LYRM4: variants seen among roughly 807,000 people sequenced by gnomAD.
LYRM4 encodes LYR motif-containing protein 4.
Under a neutral mutation model 11.7 loss-of-function variants are expected in LYRM4, and 9 were observed. That is an observed-to-expected ratio of 0.77 (90% confidence interval 0.46 to 1.34). The LOEUF (loss-of-function observed/expected upper bound fraction) is 1.34, where lower values mean the gene tolerates loss of function less well. Ranked by LOEUF, LYRM4 falls within the 40% of genes most tolerant of loss-of-function variation. The pLI, the probability that LYRM4 is intolerant of heterozygous loss-of-function variation, is 0.00. For missense variants in LYRM4, 133 were observed against 112.5 expected (o/e 1.18, Z -0.82); for synonymous variants, 42 against 40.4 (o/e 1.04, Z -0.15).
At chr6:5,143,458 T>C (rs142412794) in intron 2 of LYRM4, among the ~76,000 whole-genome samples, 16 of 152,218 alleles carry the variant, frequency 1.1e-4, no homozygotes, top group African/African-American at 3.9e-4. Flanking sequence ...CATCGGGAGG[T>C]TGACAGACAC....
At chr6:5,228,284 C>CTT (rs879832304) in intron 1 of LYRM4, among the ~76,000 whole-genome samples, 1 of 149,348 alleles carries the variant, frequency 6.7e-6, no homozygotes. Context: ...GAAAGTCTTT[C>CTT]TTTTTTTTTT....
chr6:5,057,453 A>G, the LYRM4 span, among the ~76,000 whole-genome samples: 1 of 151,994 alleles, frequency 6.6e-6, no homozygotes, highest in Non-Finnish European at 1.5e-5. Context: ...GTGGTGGCCC[A>G]CGCCTGTAAT....
chr6:5,177,202 C>G (rs1023688147), intron 2 of LYRM4, among the ~76,000 whole-genome samples: 11 of 152,242 alleles, frequency 7.2e-5, no homozygotes, highest in Non-Finnish European at 1.2e-4. Context: ...GTGACCACTG[C>G]TGAAATCACA....
chr6:5,102,099 T>C (rs1214560525), downstream of LYRM4, among the ~76,000 whole-genome samples: 2 of 151,638 alleles, frequency 1.3e-5, no homozygotes, highest in Non-Finnish European at 2.9e-5. Context: ...GGCCTGATTT[T>C]TTTTTTAAAG....
the LYRM4 span, among the ~76,000 whole-genome samples, chr6:5,073,482 A>G: frequency 2.0e-5 from 3 of 148,336 alleles, no homozygotes; most frequent in African/African-American, 7.4e-5. Context: ...CCTATTTTAT[A>G]TATCTATATA....
intron 1 of LYRM4, among the ~76,000 whole-genome samples, chr6:5,242,587 G>C (rs1372139857): frequency 6.6e-6 from 1 of 150,946 alleles, no homozygotes; most frequent in African/African-American, 2.4e-5. Flanking sequence ...AGGTGTGGTG[G>C]CGTGCGCCTG....
chr6:5,132,732 A>G (rs1764012432), intron 2 of LYRM4: 2 of 152,218 alleles, frequency 1.3e-5, no homozygotes, highest in African/African-American at 4.8e-5. Context: ...GTGAAGCACC[A>G]TGGGGAGCCG....
At chr6:5,085,603 G>C in the LYRM4 span, 8 of 1,547,018 alleles carry the variant, frequency 5.2e-6, no homozygotes, top group Non-Finnish European at 7.0e-6. Flanking sequence ...GGGTGGCGGC[G>C]ACGGCGGTGG....
chr6:5,054,719 T>G, the LYRM4 span, among the ~76,000 whole-genome samples: 1 of 152,146 alleles, frequency 6.6e-6, no homozygotes, highest in African/African-American at 2.4e-5. Context: ...GTCTTCCCTT[T>G]GGAGTTTAGA....
intron 1 of LYRM4, among the ~76,000 whole-genome samples, chr6:5,218,087 T>C (rs1382218019): frequency 3.3e-5 from 5 of 151,994 alleles, no homozygotes; most frequent in East Asian, 3.8e-4. Context: ...AAAAAAAATT[T>C]TGGGGGATGG....
At chr6:5,219,096 A>G (rs1422331337) in intron 1 of LYRM4, among the ~76,000 whole-genome samples, 1 of 152,236 alleles carries the variant, frequency 6.6e-6, no homozygotes, top group African/African-American at 2.4e-5. Context: ...CTTCTTGGAA[A>G]AACAAAATGG....
At chr6:5,260,598 T>TGCCCCGGCCCCGGGGCCC in intron 1 of LYRM4, 50 bp downstream of exon 1, 1 of 1,105,568 alleles carries the variant, frequency 9.0e-7, no homozygotes, top group Non-Finnish European at 1.3e-6. Flanking sequence ...GCACCCCCGG[T>TGCCCCGGCCCCGGGGCCC]CCCCGGCCCC....
At chr6:5,234,609 C>A (rs987583978) in intron 1 of LYRM4, among the ~76,000 whole-genome samples, 1 of 152,220 alleles carries the variant, frequency 6.6e-6, no homozygotes, top group African/African-American at 2.4e-5. Context: ...AGCCTTTCTG[C>A]AACGGCAGGC....
intron 2 of LYRM4, among the ~76,000 whole-genome samples, chr6:5,125,693 G>T (rs984801426): frequency 6.6e-6 from 1 of 152,194 alleles, no homozygotes; most frequent in Non-Finnish European, 1.5e-5. Context: ...ACGTTCTAAT[G>T]TACTCATATG....
At chr6:5,057,879 AG>A in the LYRM4 span, among the ~76,000 whole-genome samples, 2 of 151,732 alleles carry the variant, frequency 1.3e-5, no homozygotes, top group East Asian at 3.9e-4. Context: ...CTCCCACCTC[AG>A]CCTCCTGAGT....
At chr6:5,221,644 A>G (rs772738579) in intron 1 of LYRM4, among the ~76,000 whole-genome samples, 2 of 152,248 alleles carry the variant, frequency 1.3e-5, no homozygotes, top group Admixed American at 6.5e-5. Context: ...GTGAGCCAAG[A>G]TCGCGCCACT....
At chr6:5,086,467 G>T in the LYRM4 span, 12 of 1,537,060 alleles carry the variant, frequency 7.8e-6, no homozygotes, top group Non-Finnish European at 1.0e-5. Context: ...GGTCCACTTC[G>T]CTGTCTGCTA....
intron 2 of LYRM4, among the ~76,000 whole-genome samples, chr6:5,133,537 C>T (rs188965490): frequency 4.6e-5 from 7 of 152,208 alleles, no homozygotes; most frequent in Admixed American, 2.6e-4. Flanking sequence ...TTCTGATGCT[C>T]GGGTCACACT....
At chr6:5,216,844 C>A in intron 1 of LYRM4, 106 bp from the exon 2 acceptor site, 2 of 1,336,976 alleles carry the variant, frequency 1.5e-6, no homozygotes, top group Non-Finnish European at 2.0e-6. Context: ...TTTAATCTTC[C>A]CCTACGGATA....
Sources: gnomAD v4.1 joint callset for allele counts (sites outside exome capture counted in the v4.1 genomes callset) on GRCh38, gnomAD v4.1.1 for gene constraint, MANE v1.5 for transcripts, NCBI Gene and HGNC (gene_info 2026-07-23, HGNC 2026-07-21) for gene names.